PDK1: variants seen among roughly 807,000 people sequenced by gnomAD.
PDK1 encodes the protein pyruvate dehydrogenase kinase 1.
Under a neutral mutation model 54.2 loss-of-function variants are expected in PDK1, and 39 were observed. That is an observed-to-expected ratio of 0.72 (90% CI 0.56 to 0.94). The LOEUF is 0.94. Among genes scored for constraint, PDK1 ranks in the 40% least tolerant of loss-of-function variants. PDK1 has a pLI of 0.00. For missense variants in PDK1, 552 were observed against 566.0 expected, an observed-to-expected ratio of 0.98 and a Z score of 0.25; for synonymous variants, 221 against 207.1, an observed-to-expected ratio of 1.07 and a Z score of -0.58.
At chr2:172,707,823 G>A in the PDK1 span, among the ~76,000 whole-genome samples, 1 of 152,202 alleles carries the variant, frequency 6.6e-6, no homozygotes, top group Admixed American at 6.5e-5. Flanking sequence ...CACATTTGTT[G>A]TAGGGATCTT....
At chr2:172,570,661 C>A in intron 7 of PDK1, 65 bp from the exon 8 acceptor site, 1 of 948,170 alleles carries the variant, frequency 1.1e-6, no homozygotes, top group Non-Finnish European at 1.7e-6. Flanking sequence ...TGCATATGTA[C>A]TTGAAAATTA....
chr2:172,655,924 T>A, the PDK1 span, among the ~76,000 whole-genome samples: 1 of 152,216 alleles, frequency 6.6e-6, no homozygotes, highest in Non-Finnish European at 1.5e-5. Context: ...TGGCTTGTTT[T>A]TGACTCAAAT....
At chr2:172,588,842 C>T (rs542362963) in intron 9 of PDK1, among the ~76,000 whole-genome samples, 1 of 152,222 alleles carries the variant, frequency 6.6e-6, no homozygotes, top group Admixed American at 6.5e-5. Flanking sequence ...AACATCCACA[C>T]ATCTCTGTTC....
the PDK1 span, among the ~76,000 whole-genome samples, chr2:172,617,797 G>A: frequency 6.6e-6 from 1 of 151,990 alleles, no homozygotes; most frequent in Non-Finnish European, 1.5e-5. Flanking sequence ...CCATGCCCCA[G>A]ATATAATGAC....
At position 172,607,619 on chromosome 2, in the gene PDK1, C is replaced by T. The variant is rs1329276228; in HGVS notation, c.*11650C>T. 3 of 152,208 alleles carry T rather than the reference C, an allele frequency of 2.0e-5. No homozygotes were observed. The highest frequency in any genetic ancestry group is 1.3e-4 in the Admixed American group (2 of 15,272). 9.4% of individuals were successfully genotyped at this position (152,208 alleles called of 1,614,324 possible). On this transcript the variant is annotated 3_prime_UTR_variant, in exon 11 of 11. Transcript: ENST00000282077. Reference sequence around the variant, plus strand: ...CTAGTAGAATGGAGTGGGATGGTATCGTGATGGTGAACCCAAAACAATGGT... The same window carrying T: ...CTAGTAGAATGGAGTGGGATGGTATTGTGATGGTGAACCCAAAACAATGGT...
the PDK1 span, among the ~76,000 whole-genome samples, chr2:172,637,665 A>G: frequency 3.9e-5 from 6 of 152,022 alleles, no homozygotes; most frequent in Admixed American, 2.6e-4. Flanking sequence ...TCTCTTCTCT[A>G]CTTCTACATC....
At chr2:172,614,647 A>G in the PDK1 span, among the ~76,000 whole-genome samples, 2 of 152,106 alleles carry the variant, frequency 1.3e-5, no homozygotes, top group Admixed American at 6.6e-5. Context: ...CTGAACACCC[A>G]ATGGGATAAT....
intron 8 of PDK1, among the ~76,000 whole-genome samples, chr2:172,571,312 G>C (rs910456598): frequency 5.9e-5 from 9 of 152,196 alleles, no homozygotes; most frequent in African/African-American, 2.2e-4. Flanking sequence ...ATGATATCCA[G>C]TCTTCTGTCC....
the PDK1 span, among the ~76,000 whole-genome samples, chr2:172,673,756 T>C: frequency 6.6e-6 from 1 of 152,184 alleles, no homozygotes; most frequent in Non-Finnish European, 1.5e-5. Context: ...TCCATAAAGA[T>C]AGTAAAGGTG....
At chr2:172,712,201 G>A in the PDK1 span, among the ~76,000 whole-genome samples, 1 of 152,150 alleles carries the variant, frequency 6.6e-6, no homozygotes, top group Non-Finnish European at 1.5e-5. Context: ...AATATAAAAA[G>A]AACAAGATAA....
At chr2:172,720,112 C>CTT in the PDK1 span, among the ~76,000 whole-genome samples, 1 of 99,930 alleles carries the variant, frequency 1.0e-5, no homozygotes, top group East Asian at 7.1e-4. Context: ...CTCTCTCTCT[C>CTT]TCTCTTTTTT....
the PDK1 span, among the ~76,000 whole-genome samples, chr2:172,622,467 T>C: frequency 6.8e-6 from 1 of 148,104 alleles, no homozygotes; most frequent in Non-Finnish European, 1.5e-5. Context: ...GATGTTTATA[T>C]CTCATATTAT....
the PDK1 span, among the ~76,000 whole-genome samples, chr2:172,635,117 G>A: frequency 6.6e-6 from 1 of 152,010 alleles, no homozygotes; most frequent in African/African-American, 2.4e-5. Context: ...TATAAATCTA[G>A]TATTTGTCTG....
the PDK1 span, among the ~76,000 whole-genome samples, chr2:172,708,788 G>A: frequency 6.6e-6 from 1 of 152,200 alleles, no homozygotes; most frequent in Non-Finnish European, 1.5e-5. Context: ...TAGGCTGAAG[G>A]TAATTTCATT....
the PDK1 span, among the ~76,000 whole-genome samples, chr2:172,679,443 T>C: frequency 6.6e-6 from 1 of 152,144 alleles, no homozygotes; most frequent in South Asian, 2.1e-4. Flanking sequence ...CAAGACTCTG[T>C]CTCTTAACAA....
intron 9 of PDK1, among the ~76,000 whole-genome samples, 175 bp downstream of exon 9, chr2:172,586,563 T>C (rs201560512): frequency 6.6e-6 from 1 of 151,854 alleles, no homozygotes; most frequent in South Asian, 2.1e-4. Context: ...TTTTTTTTTT[T>C]CCAACTGAAA....
downstream of PDK1, among the ~76,000 whole-genome samples, chr2:172,612,525 T>G (rs1378598326): frequency 6.6e-6 from 1 of 152,166 alleles, no homozygotes; most frequent in Non-Finnish European, 1.5e-5. Context: ...AAACACATGG[T>G]CGAAGGTGAT....
intron 6 of PDK1, among the ~76,000 whole-genome samples, chr2:172,568,046 T>C (rs1689047737): frequency 6.6e-6 from 1 of 152,068 alleles, no homozygotes; most frequent in Admixed American, 6.5e-5. Context: ...GCTTAAAGAA[T>C]GTATGGGCTG....
chr2:172,627,135 A>G, the PDK1 span, among the ~76,000 whole-genome samples: 15 of 152,250 alleles, frequency 9.9e-5, no homozygotes, highest in Non-Finnish European at 2.2e-4. Flanking sequence ...GGATTGAATG[A>G]TGCACACGGC....
Sources: allele counts gnomAD v4.1 joint callset (sites outside exome capture counted in the v4.1 genomes callset), GRCh38; gene constraint gnomAD v4.1.1; transcripts MANE v1.5; gene names NCBI Gene and HGNC (gene_info 2026-07-23, HGNC 2026-07-21).